MTFR1: variants seen among roughly 807,000 people sequenced by gnomAD.
MTFR1 encodes the protein chondrocyte protein with a poly-proline region.
In MTFR1, 28 loss-of-function variants were observed where a neutral mutation model predicts 38.8. That is an observed-to-expected ratio of 0.72 (90% CI 0.53 to 0.99). The LOEUF (loss-of-function observed/expected upper bound fraction) is 0.99, where lower values mean the gene tolerates loss of function less well. Among genes scored for constraint, MTFR1 ranks in the 50% least tolerant of loss-of-function variants. The pLI, the probability that MTFR1 is intolerant of heterozygous loss-of-function variation, is 0.00. For missense variants in MTFR1, 358 were observed against 395.5 expected (o/e 0.91, Z 0.81); for synonymous variants, 145 against 137.0 (o/e 1.06, Z -0.41).
intron 3 of MTFR1, among the ~76,000 whole-genome samples, chr8:65,754,494 T>C (rs1808122364): frequency 6.6e-6 from 1 of 151,364 alleles, no homozygotes; most frequent in Non-Finnish European, 1.5e-5. Flanking sequence ...CCCACCACCA[T>C]GCCCAACTAA....
intron 1 of MTFR1, among the ~76,000 whole-genome samples, chr8:65,650,673 A>G (rs1335933583): frequency 6.6e-6 from 1 of 152,148 alleles, no homozygotes; most frequent in Non-Finnish European, 1.5e-5. Context: ...ATGTATATGT[A>G]TCACATTTTC....
At chr8:65,737,152 A>G (rs965800739) in intron 3 of MTFR1, among the ~76,000 whole-genome samples, 1 of 152,092 alleles carries the variant, frequency 6.6e-6, no homozygotes, top group Non-Finnish European at 1.5e-5. Context: ...TATTTTCTCA[A>G]TTCTCCCAAG....
At chr8:65,767,596 G>T (rs1294911192) in intron 3 of MTFR1, among the ~76,000 whole-genome samples, 2 of 152,136 alleles carry the variant, frequency 1.3e-5, no homozygotes, top group Non-Finnish European at 2.9e-5. Context: ...CCCAGAGAGG[G>T]TCTTGCCCCA....
Position 65,662,716 on chromosome 8 carries a change from G to C in MTFR1, c.-80-7157G>C, listed in dbSNP as rs561532384. Among the ~76,000 whole-genome samples, 722 of 133,282 alleles carry C rather than the reference G, an allele frequency of 5.4e-3. 30 individuals are homozygous for C. Among genetic ancestry groups the C allele is most frequent in the African/African-American group, 0.018 (647 of 36,828 alleles). The allele number at this position is 133,282 out of a possible 152,430, so 87.4% of individuals were successfully genotyped here. A position where few individuals can be genotyped will look rare whatever the true frequency, so the allele number is the denominator to read the frequency against. ...AGCCCCTCCGCCCGGCAGCCACACC[G>C]TCTGAGAAGTGAGGAGCCCCTCCGC... On this transcript the variant is annotated intron_variant, in intron 1 of 7. Coordinates refer to ENST00000262146, the MANE Select transcript of MTFR1 (RefSeq NM_014637.4).
At chr8:65,752,234 A>G (rs759348085) in intron 3 of MTFR1, among the ~76,000 whole-genome samples, 3 of 151,780 alleles carry the variant, frequency 2.0e-5, no homozygotes, top group Non-Finnish European at 4.4e-5. Flanking sequence ...CTCTACTTTC[A>G]TTTTAGGCTT....
intron 1 of MTFR1, among the ~76,000 whole-genome samples, chr8:65,668,640 A>G (rs1290175932): frequency 5.3e-5 from 8 of 150,454 alleles, no homozygotes; most frequent in Non-Finnish European, 7.4e-5. Flanking sequence ...CAGCCTCCCA[A>G]GTAGCTGGGA....
At chr8:65,664,912 T>G (rs1804334254) in intron 1 of MTFR1, among the ~76,000 whole-genome samples, 1 of 150,382 alleles carries the variant, frequency 6.6e-6, no homozygotes, top group Non-Finnish European at 1.5e-5. Context: ...ACATTTTAGT[T>G]TTTCATGCTT....
intron 3 of MTFR1, among the ~76,000 whole-genome samples, chr8:65,754,692 C>T (rs948782572): frequency 1.3e-5 from 2 of 149,858 alleles, no homozygotes; most frequent in African/African-American, 4.9e-5. Context: ...TTAGGCTGGG[C>T]ACAGTGGCTC....
intron 3 of MTFR1, among the ~76,000 whole-genome samples, chr8:65,731,989 G>A (rs906753425): frequency 5.9e-4 from 84 of 141,774 alleles, no homozygotes; most frequent in Middle Eastern, 3.5e-3. Context: ...TATTATTATT[G>A]TTGTTGTTGT....
At chr8:65,670,866 A>G (rs1434667528) in intron 2 of MTFR1, among the ~76,000 whole-genome samples, 3 of 151,970 alleles carry the variant, frequency 2.0e-5, no homozygotes, top group Non-Finnish European at 4.4e-5. Flanking sequence ...CACCACGGCC[A>G]GCTAATTTTT....
At chr8:65,708,505 C>G (rs952747455) in intron 7 of MTFR1, among the ~76,000 whole-genome samples, 6 of 152,138 alleles carry the variant, frequency 3.9e-5, no homozygotes, top group Admixed American at 1.3e-4. Flanking sequence ...GGATGTGTAC[C>G]ATGTCAAAGG....
chr8:65,686,579 CAAAAAAAAAAAA>C (rs757100773), intron 3 of MTFR1, among the ~76,000 whole-genome samples: 2 of 62,398 alleles, frequency 3.2e-5, no homozygotes, highest in Non-Finnish European at 6.0e-5. Flanking sequence ...GACTCCGTCT[CAAAAAAAAAAAA>C]AAAAAAAAAG....
At chr8:65,675,550 G>A (rs1804688318) in intron 2 of MTFR1, among the ~76,000 whole-genome samples, 1 of 152,080 alleles carries the variant, frequency 6.6e-6, no homozygotes, top group Non-Finnish European at 1.5e-5. Flanking sequence ...AGTGAGCCAA[G>A]ATCACGCCAC....
At chr8:65,689,376 T>A (rs1231007143) in intron 3 of MTFR1, among the ~76,000 whole-genome samples, 2 of 152,238 alleles carry the variant, frequency 1.3e-5, no homozygotes, top group Non-Finnish European at 2.9e-5. Context: ...ATGCACTTTA[T>A]TAAATGAACT....
chr8:65,723,327 GCTGC>G, intron 3 of MTFR1: 1 of 327,270 alleles, frequency 3.1e-6, no homozygotes, highest in Non-Finnish European at 5.3e-6. Flanking sequence ...AGTTATTGCT[GCTGC>G]CTGTTCTGCA....
chr8:65,689,589 G>A, intron 3 of MTFR1: 1 of 1,275,434 alleles, frequency 7.8e-7, no homozygotes, highest in Non-Finnish European at 1.0e-6. Flanking sequence ...GGACCTTGCT[G>A]GGAACCTTCA....
At position 65,710,531 on chromosome 8, in the gene MTFR1, TAAAGC is replaced by T. The variant is rs1036116722; in HGVS notation, c.*1491_*1495del. The T allele has an allele frequency of 5.2e-5, 8 of 152,620 alleles. No homozygotes were observed. The highest frequency in any genetic ancestry group is 1.9e-4 in the African/African-American group (8 of 41,470). 9.5% of individuals were successfully genotyped at this position (152,620 alleles called of 1,614,324 possible). A position where few individuals can be genotyped will look rare whatever the true frequency, so the allele number is the denominator to read the frequency against. On this transcript the variant is annotated 3_prime_UTR_variant, in exon 8 of 8. Transcript: ENST00000262146. ...ATATAAGGAAGTTACTGTTTTAAAA[TAAAGC>T]AAACTAACTGTTTTATTTTCCTTGG...
At chr8:65,686,343 G>A (rs1318925302) in intron 3 of MTFR1, among the ~76,000 whole-genome samples, 1 of 152,054 alleles carries the variant, frequency 6.6e-6, no homozygotes, top group Non-Finnish European at 1.5e-5. Context: ...AGGCCAATGC[G>A]GGTGGATCAC....
At position 65,761,533 on chromosome 8, in the gene MTFR1, C is replaced by T. The variant is rs1808496309; in HGVS notation, c.*49-9414C>T. Among the ~76,000 whole-genome samples the T allele has an allele frequency of 2.0e-5, 3 of 152,246 alleles. No individual in the cohort carries two copies. The South Asian group carries it at 6.2e-4, about 32-fold the overall frequency. On this transcript the variant is annotated intron_variant, in intron 3 of 3. Coordinates refer to the MTFR1 transcript ENST00000521247. ...CTAGTTTACATGGTTACCTACATTC[C>T]AATCCAGCTTAGAAAGCCAACAGGG...
Sources: allele counts gnomAD v4.1 joint callset (sites outside exome capture counted in the v4.1 genomes callset), GRCh38; gene constraint gnomAD v4.1.1; transcripts MANE v1.5; gene names NCBI Gene and HGNC (gene_info 2026-07-23, HGNC 2026-07-21).